LRGUK: variants seen among roughly 807,000 people sequenced by gnomAD.
LRGUK encodes the protein leucine-rich repeat and guanylate kinase domain-containing protein.
Under a neutral mutation model 76.0 loss-of-function variants are expected in LRGUK, and 65 were observed. That is an observed-to-expected ratio of 0.85 (90% CI 0.70 to 1.05). LRGUK has a LOEUF of 1.05. LRGUK is among the 50% of genes least tolerant of loss of function. The probability of loss-of-function intolerance (pLI) is 0.00; values close to 1 mark genes in which losing one functional copy is unlikely to be tolerated. For missense variants in LRGUK, 758 were observed against 732.8 expected, an observed-to-expected ratio of 1.03 and a Z score of -0.40; for synonymous variants, 268 against 265.6, an observed-to-expected ratio of 1.01 and a Z score of -0.09.
chr7:134,199,160 C>T (rs997843006), intron 13 of LRGUK, 60 bp from the exon 14 acceptor site: 1 of 1,433,896 alleles, frequency 7.0e-7, no homozygotes, highest in African/African-American at 1.4e-5. Flanking sequence ...CAGATGGCTC[C>T]AAAATGATTT....
downstream of LRGUK, among the ~76,000 whole-genome samples, chr7:134,212,687 A>AAAG: frequency 6.6e-6 from 1 of 152,338 alleles, no homozygotes; most frequent in East Asian, 1.9e-4. Context: ...ATTTTTACTA[A>AAAG]AAGTTCATTC....
intron 16 of LRGUK, among the ~76,000 whole-genome samples, chr7:134,233,679 T>C (rs1443277210): frequency 6.6e-6 from 1 of 152,202 alleles, no homozygotes; most frequent in African/African-American, 2.4e-5. Context: ...AATGCCTTCT[T>C]TTACTCAGGT....
At chr7:134,180,719 G>A (rs1259120668) in intron 10 of LRGUK, among the ~76,000 whole-genome samples, 2 of 152,044 alleles carry the variant, frequency 1.3e-5, no homozygotes, top group East Asian at 3.9e-4. Flanking sequence ...TTCCTCCCAT[G>A]TTTTTTATTG....
At chr7:134,263,716 C>T (rs1802799876) in intron 19 of LRGUK, 129 bp from the exon 20 acceptor site, 2 of 874,016 alleles carry the variant, frequency 2.3e-6, no homozygotes, top group Non-Finnish European at 3.2e-6. Context: ...CACCTGGCCT[C>T]ATTTATTTCT....
chr7:134,249,545 C>T (rs769883689), intron 18 of LRGUK, among the ~76,000 whole-genome samples: 1 of 152,196 alleles, frequency 6.6e-6, no homozygotes, highest in Non-Finnish European at 1.5e-5. Context: ...TAGCCTTCCA[C>T]TAATTCCCTT....
At chr7:134,232,268 C>G (rs984319275) in intron 16 of LRGUK, among the ~76,000 whole-genome samples, 2 of 151,248 alleles carry the variant, frequency 1.3e-5, no homozygotes, top group African/African-American at 4.9e-5. Context: ...AATATACTGA[C>G]AGTTGTTTTT....
chr7:134,128,164 A>C (rs1344785903), intron 1 of LRGUK, among the ~76,000 whole-genome samples: 1 of 151,784 alleles, frequency 6.6e-6, no homozygotes, highest in Non-Finnish European at 1.5e-5. Context: ...AGACTAAGTG[A>C]CTTAAAAGTT....
chr7:134,253,314 T>C (rs1348107103), intron 18 of LRGUK, among the ~76,000 whole-genome samples: 1 of 152,066 alleles, frequency 6.6e-6, no homozygotes, highest in Admixed American at 6.6e-5. Context: ...AATGACAAAG[T>C]TGAGGAGGTA....
chr7:134,273,459 A>C, the LRGUK span, among the ~76,000 whole-genome samples: 1 of 151,910 alleles, frequency 6.6e-6, no homozygotes, highest in Non-Finnish European at 1.5e-5. Flanking sequence ...CCCACTATCC[A>C]TCCCAAGCCA....
At chr7:134,207,830 C>T (rs970013199) in intron 15 of LRGUK, among the ~76,000 whole-genome samples, 1 of 152,144 alleles carries the variant, frequency 6.6e-6, no homozygotes, top group African/African-American at 2.4e-5. Flanking sequence ...CAGAGCTATG[C>T]CCTTAGGACT....
At chr7:134,226,298 C>T (rs1801760832) in intron 16 of LRGUK, among the ~76,000 whole-genome samples, 1 of 149,210 alleles carries the variant, frequency 6.7e-6, no homozygotes, top group Admixed American at 6.7e-5. Flanking sequence ...AGCACCATTC[C>T]CACTTATGTT....
intron 7 of LRGUK, among the ~76,000 whole-genome samples, chr7:134,172,634 C>T (rs920119976): frequency 9.2e-5 from 14 of 152,056 alleles, no homozygotes; most frequent in African/African-American, 2.7e-4. Flanking sequence ...GTTGGTGAGA[C>T]GTGATAAATG....
At position 134,148,061 on chromosome 7, in the gene LRGUK, CAAA is replaced by C. The variant is rs10556613; in HGVS notation, c.589-160_589-158del. On this transcript the variant is annotated intron_variant, in intron 4 of 15. Coordinates refer to ENST00000645682, the Ensembl canonical transcript of LRGUK. ...TGGACGACAGAGCAAGACTCCTTTT[CAAA>C]AAAAAAAAAAAAAAAAGATTAAAGA... Among the ~76,000 whole-genome samples, 202 of 123,196 alleles carry C rather than the reference CAAA, an allele frequency of 1.6e-3. 1 individual carries two copies. Among genetic ancestry groups the C allele is most frequent in the Non-Finnish European group, 1.7e-3 (99 of 58,984 alleles). The allele number at this position is 123,196 out of a possible 152,430, so 80.8% of individuals were successfully genotyped here.
chr7:134,162,022 T>C (rs1798765959), intron 6 of LRGUK, among the ~76,000 whole-genome samples: 3 of 152,124 alleles, frequency 2.0e-5, no homozygotes, highest in Admixed American at 2.0e-4. Flanking sequence ...TATATGGAGA[T>C]TGAGGAAGAA....
At chr7:134,163,958 G>A (rs1449537299) in intron 7 of LRGUK, among the ~76,000 whole-genome samples, 3 of 152,160 alleles carry the variant, frequency 2.0e-5, no homozygotes, top group African/African-American at 7.2e-5. Flanking sequence ...ATGATGGGGG[G>A]AGTGTTGGGA....
At chr7:134,255,883 T>G (rs1365975797) in intron 18 of LRGUK, among the ~76,000 whole-genome samples, 2 of 152,140 alleles carry the variant, frequency 1.3e-5, no homozygotes, top group African/African-American at 4.8e-5. Flanking sequence ...TACCAATATC[T>G]GAGGGCATCC....
At chr7:134,197,195 A>C (rs2117074334) in intron 13 of LRGUK, 90 bp downstream of exon 13, 1 of 719,358 alleles carries the variant, frequency 1.4e-6, no homozygotes, top group Middle Eastern at 3.4e-4. Context: ...ATATATGTAT[A>C]AACTTTTTAC....
chr7:134,165,982 A>C (rs1798962444), intron 7 of LRGUK, among the ~76,000 whole-genome samples: 1 of 152,142 alleles, frequency 6.6e-6, no homozygotes, highest in African/African-American at 2.4e-5. Context: ...ATCCTTTGGC[A>C]CCCATGAGCT....
intron 16 of LRGUK, among the ~76,000 whole-genome samples, chr7:134,225,263 G>A (rs1402926544): frequency 6.6e-6 from 1 of 152,048 alleles, no homozygotes. Flanking sequence ...AGTGGAAGGG[G>A]CCACCCTGGT....
Sources: gnomAD v4.1 joint callset for allele counts (sites outside exome capture counted in the v4.1 genomes callset) on GRCh38, gnomAD v4.1.1 for gene constraint, MANE v1.5 for transcripts, NCBI Gene and HGNC (gene_info 2026-07-23, HGNC 2026-07-21) for gene names.